Variants in OPRM1 observed in about 807,000 individuals in gnomAD.
The protein encoded by OPRM1 is mu-type opioid receptor.
Under a neutral mutation model 31.8 loss-of-function variants are expected in OPRM1, and 27 were observed. The observed-to-expected ratio is 0.85, with a 90% CI of 0.63 to 1.17. The LOEUF (loss-of-function observed/expected upper bound fraction) is 1.17. Among genes scored for constraint, OPRM1 ranks in the 50% most tolerant of loss-of-function variants. OPRM1 has a pLI of 0.00. For synonymous variants in OPRM1, 196 were observed against 189.9 expected (o/e 1.03, Z -0.26); for missense variants, 536 against 511.1 (o/e 1.05, Z -0.47).
intron 1 of OPRM1, among the ~76,000 whole-genome samples, chr6:154,028,390 A>T (rs2128386004): frequency 6.6e-6 from 1 of 152,230 alleles, no homozygotes; most frequent in African/African-American, 2.4e-5. Flanking sequence ...CTCCTCTCGT[A>T]GAGTGGAGAA....
At chr6:154,086,491 A>T (rs1790603324) in intron 1 of OPRM1, 2 of 648,924 alleles carry the variant, frequency 3.1e-6, no homozygotes, top group South Asian at 6.9e-5. Context: ...TTTGAAATGT[A>T]TACACATTGT....
At chr6:154,184,108 A>C (rs149937859) in intron 3 of OPRM1, among the ~76,000 whole-genome samples, 2 of 151,876 alleles carry the variant, frequency 1.3e-5, no homozygotes, top group East Asian at 3.9e-4. Flanking sequence ...ATTTAAGAGA[A>C]AGTTTTCAGT....
intron 3 of OPRM1, among the ~76,000 whole-genome samples, chr6:154,152,390 A>AAGAAAGAAAGAAAG (rs1360734115): frequency 7.9e-6 from 1 of 126,296 alleles, no homozygotes; most frequent in East Asian, 2.2e-4. Context: ...GAAAGAAAGA[A>AAGAAAGAAAGAAAG]AGAGAAATAG....
At chr6:154,112,617 G>A (rs1384857180) in intron 3 of OPRM1, among the ~76,000 whole-genome samples, 3 of 152,200 alleles carry the variant, frequency 2.0e-5, no homozygotes. Context: ...ACTATGACTA[G>A]CTGTAGAAAG....
At chr6:154,015,334 C>T (rs1777944247) in intron 1 of OPRM1, among the ~76,000 whole-genome samples, 1 of 151,912 alleles carries the variant, frequency 6.6e-6, no homozygotes, top group African/African-American at 2.4e-5. Flanking sequence ...ATTCTGAAAT[C>T]AACTTGGTTA....
chr6:154,078,003 C>T (rs143571249), intron 1 of OPRM1, among the ~76,000 whole-genome samples: 153 of 152,176 alleles, frequency 1.0e-3, no homozygotes, highest in Non-Finnish European at 1.8e-3. Context: ...CTCTGCATTC[C>T]GCAAATTTGA....
intron 3 of OPRM1, among the ~76,000 whole-genome samples, chr6:154,174,671 G>A (rs1800157454): frequency 6.6e-6 from 1 of 152,130 alleles, no homozygotes; most frequent in Admixed American, 6.5e-5. Flanking sequence ...GATTCATAAA[G>A]CAAGTCCTTA....
At chr6:154,134,967 A>G (rs1001298403), downstream of OPRM1, among the ~76,000 whole-genome samples, 1 of 152,202 alleles carries the variant, frequency 6.6e-6, no homozygotes, top group Non-Finnish European at 1.5e-5. Flanking sequence ...CCCTTCTTTC[A>G]TACCCACCCA....
intron 1 of OPRM1, chr6:154,083,547 G>A (rs1789658372): frequency 6.6e-6 from 1 of 151,046 alleles, no homozygotes; most frequent in Admixed American, 6.6e-5. Context: ...AGATACTCAT[G>A]GTTTGTCATC....
intron 1 of OPRM1, among the ~76,000 whole-genome samples, chr6:154,013,469 T>C (rs1777838771): frequency 6.6e-6 from 1 of 152,190 alleles, no homozygotes; most frequent in South Asian, 2.1e-4. Flanking sequence ...CAAATGTTTA[T>C]GGGGAACCAA....
intron 1 of OPRM1, among the ~76,000 whole-genome samples, chr6:154,056,192 C>A (rs183493747): frequency 6.6e-6 from 1 of 151,936 alleles, no homozygotes; most frequent in African/African-American, 2.4e-5. Context: ...GGTGCCAGCT[C>A]GGCTCACTGC....
intron 1 of OPRM1, among the ~76,000 whole-genome samples, chr6:154,027,163 A>G (rs2128385384): frequency 6.6e-6 from 1 of 152,350 alleles, no homozygotes. Flanking sequence ...TATCTGCTTT[A>G]GGGAGCACCT....
At chr6:154,214,433 T>C (rs1778220638) in intron 3 of OPRM1, 2 of 657,024 alleles carry the variant, frequency 3.0e-6, no homozygotes, top group Non-Finnish European at 5.6e-6. Context: ...ACCTAAGGCC[T>C]CTGGTTTCAC....
chr6:154,106,042 C>A (rs1228738354), intron 3 of OPRM1, among the ~76,000 whole-genome samples: 2 of 152,052 alleles, frequency 1.3e-5, no homozygotes, highest in Non-Finnish European at 2.9e-5. Context: ...CGGAATAATA[C>A]CCCCTTTTAG....
Position 154,130,994 on chromosome 6 carries a change from A to G in OPRM1, c.*12273A>G, listed in dbSNP as rs946249523. ...CCTTGTAAGTGCAGATTTATTTTAAAAAATTGAAAAACTACTCTGTCAAAC... is the reference window on the plus strand; with the variant it reads ...CCTTGTAAGTGCAGATTTATTTTAAGAAATTGAAAAACTACTCTGTCAAAC... On this transcript the variant is annotated 3_prime_UTR_variant, in exon 4 of 4. Coordinates refer to ENST00000330432, the MANE Select transcript of OPRM1 (RefSeq NM_000914.5). 1.3e-5 allele frequency among the ~76,000 whole-genome samples: 2 copies of G among 152,162 alleles called. No individual in the cohort carries two copies. The highest frequency in any genetic ancestry group is 6.5e-5 in the Admixed American group (1 of 15,280).
At chr6:154,110,419 A>G (rs1338728044) in intron 3 of OPRM1, 14 of 1,497,942 alleles carry the variant, frequency 9.3e-6, no homozygotes, top group Admixed American at 2.0e-5. Flanking sequence ...TAATAATTAC[A>G]ATATTTTCCC....
At chr6:154,152,206 A>G (rs1798519697) in intron 3 of OPRM1, among the ~76,000 whole-genome samples, 1 of 150,542 alleles carries the variant, frequency 6.6e-6, no homozygotes, top group Non-Finnish European at 1.5e-5. Flanking sequence ...AGAGAGAAAG[A>G]AAGAAGGAAG....
chr6:154,232,236 G>A (rs921469955), intron 3 of OPRM1, among the ~76,000 whole-genome samples: 1 of 152,070 alleles, frequency 6.6e-6, no homozygotes, highest in African/African-American at 2.4e-5. Context: ...TATTAGCATC[G>A]GGCTGTGACA....
At chr6:154,176,796 T>C (rs1800371963) in intron 3 of OPRM1, among the ~76,000 whole-genome samples, 2 of 152,110 alleles carry the variant, frequency 1.3e-5, no homozygotes, top group South Asian at 2.1e-4. Flanking sequence ...CTTCACAGAA[T>C]TGGAAAAAAC....
Sources: gnomAD v4.1 joint callset for allele counts (sites outside exome capture counted in the v4.1 genomes callset) on GRCh38, gnomAD v4.1.1 for gene constraint, MANE v1.5 for transcripts, NCBI Gene and HGNC (gene_info 2026-07-23, HGNC 2026-07-21) for gene names.